Variants in YAP1 observed in about 807,000 individuals in gnomAD.
YAP1 encodes Yes1 associated transcriptional regulator.
In YAP1, 5 loss-of-function variants were observed where a neutral mutation model predicts 56.9. That is an observed-to-expected ratio of 0.09 (90% CI 0.05 to 0.18). The LOEUF (loss-of-function observed/expected upper bound fraction) is 0.18, where lower values mean the gene tolerates loss of function less well. Among genes scored for constraint, YAP1 ranks in the 10% least tolerant of loss-of-function variants. YAP1 has a pLI of 1.00. For missense variants in YAP1, 539 were observed against 651.8 expected (o/e 0.83, Z 1.88); for synonymous variants, 265 against 248.1 (o/e 1.07, Z -0.64).
chr11:102,112,399 T>C, intron 1 of YAP1: 1 of 981,524 alleles, frequency 1.0e-6, no homozygotes, highest in Non-Finnish European at 1.2e-6. Context: ...GGGTTCTCTC[T>C]TTTTCTTTCT....
intron 3 of YAP1, among the ~76,000 whole-genome samples, chr11:102,166,190 A>C (rs1370516136): frequency 1.3e-5 from 2 of 152,192 alleles, no homozygotes; most frequent in East Asian, 1.9e-4. Flanking sequence ...GAATCAGACA[A>C]GTTTATATCT....
intron 6 of YAP1, among the ~76,000 whole-genome samples, chr11:102,214,944 A>G (rs1412962749): frequency 6.6e-6 from 1 of 152,204 alleles, no homozygotes; most frequent in African/African-American, 2.4e-5. Context: ...TTCAGAGTTT[A>G]AGATTATCAT....
intron 6 of YAP1, among the ~76,000 whole-genome samples, chr11:102,221,795 G>C (rs561776727): frequency 6.6e-5 from 10 of 151,900 alleles, no homozygotes; most frequent in African/African-American, 2.2e-4. Flanking sequence ...AAATAGCAAT[G>C]ATCATAAATG....
At chr11:102,204,377 T>C (rs1222527111) in intron 4 of YAP1, among the ~76,000 whole-genome samples, 3 of 152,194 alleles carry the variant, frequency 2.0e-5, no homozygotes, top group African/African-American at 4.8e-5. Context: ...TGCCAGATGC[T>C]GTGCTAGGTA....
chr11:102,209,043 T>TGTC (rs1281282321), intron 5 of YAP1, among the ~76,000 whole-genome samples: 2 of 152,240 alleles, frequency 1.3e-5, no homozygotes, highest in African/African-American at 4.8e-5. Context: ...CTGCCTACTG[T>TGTC]GTCGTCTTTT....
chr11:102,129,437 C>T (rs1240739750), intron 2 of YAP1, among the ~76,000 whole-genome samples: 15 of 151,670 alleles, frequency 9.9e-5, no homozygotes, highest in Admixed American at 1.3e-4. Context: ...TGACCAACAT[C>T]GTGAAACCCC....
At chr11:102,139,040 C>T (rs1351188351) in intron 2 of YAP1, among the ~76,000 whole-genome samples, 1 of 151,796 alleles carries the variant, frequency 6.6e-6, no homozygotes, top group Non-Finnish European at 1.5e-5. Context: ...TCTCTAAAGG[C>T]CCATGAAAAC....
chr11:102,160,058 T>C (rs1230828208), intron 2 of YAP1, among the ~76,000 whole-genome samples: 1 of 149,224 alleles, frequency 6.7e-6, no homozygotes, highest in East Asian at 2.0e-4. Flanking sequence ...AGTTTTGTTC[T>C]TGTTGCCCAG....
intron 2 of YAP1, among the ~76,000 whole-genome samples, chr11:102,141,747 G>A (rs1945036809): frequency 6.6e-6 from 1 of 151,994 alleles, no homozygotes; most frequent in Non-Finnish European, 1.5e-5. Flanking sequence ...TGAATTTTAG[G>A]TGCCTGATTG....
At chr11:102,179,853 A>G (rs886168276) in intron 3 of YAP1, among the ~76,000 whole-genome samples, 2 of 152,138 alleles carry the variant, frequency 1.3e-5, no homozygotes, top group Non-Finnish European at 2.9e-5. Flanking sequence ...CTTGTTGAGT[A>G]AAAGTATTTG....
chr11:102,202,403 T>C (rs945375000), intron 4 of YAP1, among the ~76,000 whole-genome samples: 2 of 150,288 alleles, frequency 1.3e-5, no homozygotes, highest in Non-Finnish European at 1.5e-5. Context: ...ATGGTCGTGA[T>C]CTTCTGACCT....
chr11:102,191,350 C>T (rs1418386192), intron 4 of YAP1, among the ~76,000 whole-genome samples: 2 of 151,812 alleles, frequency 1.3e-5, no homozygotes, highest in African/African-American at 4.8e-5. Flanking sequence ...TTCCTCGGAC[C>T]ACCAACACTT....
chr11:102,162,140 G>A (rs776815784), intron 2 of YAP1, among the ~76,000 whole-genome samples: 2 of 152,114 alleles, frequency 1.3e-5, no homozygotes, highest in Non-Finnish European at 2.9e-5. Flanking sequence ...TACTCTTTTA[G>A]TTTACAAACT....
At chr11:102,144,531 A>T (rs998513960) in intron 2 of YAP1, among the ~76,000 whole-genome samples, 1 of 152,184 alleles carries the variant, frequency 6.6e-6, no homozygotes, top group African/African-American at 2.4e-5. Flanking sequence ...TAGTATTTCA[A>T]ATGAGAGCTC....
chr11:102,204,877 CTTCCTTGAATGACTGCAA>C lies in YAP1; in HGVS notation c.803-1015_803-998del, dbSNP rs1460525683. ...AGGCTGTGTAAGACTGGTATTATTTCTTCCTTGAATGACTGCAAAGCCATTGGGACCTGGGGTTTTCTT... is the reference window on the plus strand; with the variant it reads ...AGGCTGTGTAAGACTGGTATTATTTCAGCCATTGGGACCTGGGGTTTTCTT... On this transcript the variant is annotated intron_variant, in intron 4 of 8. Transcript: ENST00000282441. 2.6e-5 allele frequency among the ~76,000 whole-genome samples: 4 copies of C among 152,136 alleles called. No individual in the cohort carries two copies. In the East Asian group the frequency reaches 7.7e-4, roughly 29 times the overall value.
chr11:102,223,504 A>T, intron 6 of YAP1, 118 bp from the exon 7 acceptor site: 3 of 1,084,358 alleles, frequency 2.8e-6, no homozygotes, highest in Non-Finnish European at 2.6e-6. Flanking sequence ...TATTAACTTT[A>T]AAGTAGATGT....
intron 2 of YAP1, among the ~76,000 whole-genome samples, chr11:102,117,998 T>C: frequency 6.6e-6 from 1 of 152,202 alleles, no homozygotes; most frequent in Non-Finnish European, 1.5e-5. Context: ...CAGTATTCTA[T>C]AATATCTCTG....
intron 2 of YAP1, among the ~76,000 whole-genome samples, chr11:102,115,599 C>CT (rs36092201): frequency 0.43 from 65,313 of 150,404 alleles, 15,408 homozygotes; most frequent in Middle Eastern, 0.58. Flanking sequence ...TTCTTTTCTT[C>CT]TTTTTTTTTA....
At chr11:102,163,451 C>T (rs1946416267) in intron 3 of YAP1, among the ~76,000 whole-genome samples, 1 of 152,118 alleles carries the variant, frequency 6.6e-6, no homozygotes, top group Non-Finnish European at 1.5e-5. Context: ...AAAAGGTGCC[C>T]TTCCTCTGGG....
Sources: allele counts gnomAD v4.1 joint callset (sites outside exome capture counted in the v4.1 genomes callset), GRCh38; gene constraint gnomAD v4.1.1; transcripts MANE v1.5; gene names NCBI Gene and HGNC (gene_info 2026-07-23, HGNC 2026-07-21).